The following TMEM260 variants were observed in gnomAD, a reference collection of about 807,000 sequenced individuals.
TMEM260 encodes the protein transmembrane protein 260.
TMEM260 carries 82 observed loss-of-function variants against 88.9 expected under a neutral mutation model. The ratio of observed to expected loss-of-function variants is 0.92; its 90% CI spans 0.77 to 1.11. TMEM260 has a LOEUF of 1.11. Ranked by LOEUF, TMEM260 falls within the 50% of genes least tolerant of loss-of-function variation. The pLI, the probability that TMEM260 is intolerant of heterozygous loss-of-function variation, is 0.00. For synonymous variants in TMEM260, 314 were observed against 309.3 expected (o/e 1.02, Z -0.16); for missense variants, 902 against 853.4 (o/e 1.06, Z -0.71).
intron 11 of TMEM260, among the ~76,000 whole-genome samples, chr14:56,624,372 G>A (rs1409850730): frequency 6.6e-6 from 1 of 152,124 alleles, no homozygotes; most frequent in Admixed American, 6.5e-5. Flanking sequence ...CCAGGAGTTC[G>A]ACACCAGCCT....
downstream of TMEM260, among the ~76,000 whole-genome samples, chr14:56,652,750 A>G (rs1205452101): frequency 1.3e-5 from 2 of 152,186 alleles, no homozygotes; most frequent in Non-Finnish European, 2.9e-5. Context: ...GTTTGTTTTT[A>G]CTTAGAGTGT....
At position 56,636,575 on chromosome 14, in the gene TMEM260, C is replaced by T; in HGVS notation, c.1846C>T (p.Gln616Ter). The T allele has an allele frequency of 6.2e-7, 1 of 1,613,880 alleles. No individual in the cohort carries two copies. Among genetic ancestry groups the T allele is most frequent in the Non-Finnish European group, 8.5e-7 (1 of 1,179,916 alleles). The stretch of plus-strand genomic sequence containing the variant: ...TCACATGCCTTCAAAAGTGAAAGCT[C>T]AACTCTACGCTCAAGCATATGACGT... ...TAHMPSKVKAQLYAQAYDLYK... is the reference protein window; with the variant it reads ...TAHMPSKVKA The change falls in exon 15 of 16, where the codon CAA becomes TAA. Residue 616 changes from glutamine (Q) to a stop codon, truncating the protein, a stop_gained. Coordinates refer to ENST00000261556, the MANE Select transcript of TMEM260 (RefSeq NM_017799.4). LOFTEE classifies it high-confidence loss of function.
At chr14:56,630,057 G>GA (rs954202496) in intron 12 of TMEM260, among the ~76,000 whole-genome samples, 57 of 146,380 alleles carry the variant, frequency 3.9e-4, no homozygotes, top group Non-Finnish European at 5.6e-4. Context: ...AAAAAAAGAA[G>GA]AAAAAAAAAA....
intron 11 of TMEM260, among the ~76,000 whole-genome samples, chr14:56,622,938 A>G (rs552289758): frequency 6.6e-6 from 1 of 152,288 alleles, no homozygotes; most frequent in Non-Finnish European, 1.5e-5. Flanking sequence ...GACAAAAGCT[A>G]TGTTATTTGT....
chr14:56,618,829 A>G, intron 10 of TMEM260, 66 bp downstream of exon 10: 2 of 1,457,714 alleles, frequency 1.4e-6, no homozygotes, highest in Non-Finnish European at 1.9e-6. Context: ...TTTAGATTCT[A>G]ACACTTTATT....
chr14:56,636,630 A>ATATT, intron 15 of TMEM260, 32 bp downstream of exon 15: 1 of 1,575,122 alleles, frequency 6.3e-7, no homozygotes, highest in South Asian at 1.1e-5. Context: ...AGATATAGAT[A>ATATT]TATTTGGTGG....
chr14:56,638,964 TGA>T lies in TMEM260; in HGVS notation c.1869+2367_1869+2368del. On this transcript the variant is annotated intron_variant, in intron 15 of 15. Coordinates refer to ENST00000261556, the MANE Select transcript of TMEM260 (RefSeq NM_017799.4). ...TGGGCTTCTCAAGATATGGTACATG[TGA>T]CTTAATAGGACATCTAAAATAAGTT... Among the ~76,000 whole-genome samples, 3 of 152,268 alleles carry T rather than the reference TGA, an allele frequency of 2.0e-5. No individual in the cohort carries two copies. The South Asian group carries it at 6.2e-4, about 32-fold the overall frequency.
chr14:56,617,466 T>A (rs1334354582), intron 9 of TMEM260, among the ~76,000 whole-genome samples, 169 bp downstream of exon 9: 1 of 142,596 alleles, frequency 7.0e-6, no homozygotes, highest in Non-Finnish European at 1.5e-5. Context: ...TAAGGCCTCT[T>A]TTTAGGATAA....
chr14:56,660,794 C>CT, the TMEM260 span, among the ~76,000 whole-genome samples: 1 of 150,498 alleles, frequency 6.6e-6, no homozygotes, highest in East Asian at 1.9e-4. Flanking sequence ...GTCTCTGTCT[C>CT]GCTCTCTCTT....
chr14:56,628,694 T>A (rs34829207), intron 12 of TMEM260, among the ~76,000 whole-genome samples: 43,205 of 152,002 alleles, frequency 0.28, 7,105 homozygotes, highest in Non-Finnish European at 0.39. Context: ...TTTATCTTTT[T>A]TCATCCTTTT....
chr14:56,581,648 A>C (rs1207643722), intron 1 of TMEM260, among the ~76,000 whole-genome samples: 6 of 152,218 alleles, frequency 3.9e-5, no homozygotes. Context: ...CACTGTTCCA[A>C]GTGCTTTATA....
intron 7 of TMEM260, chr14:56,613,237 G>A (rs1887394435): frequency 6.6e-6 from 1 of 151,688 alleles, no homozygotes; most frequent in Non-Finnish European, 1.5e-5. Flanking sequence ...AACTCTTGGG[G>A]CTGTTTGAAA....
chr14:56,621,516 G>T lies in TMEM260; in HGVS notation c.1227-15G>T. ...AAGTGTTGCTATTTTAATTTTTTTG[G>T]ATCCTTTTATTTAGTGTTTGTGACC... On this transcript the variant is annotated splice_polypyrimidine_tract_variant and intron_variant, in intron 10 of 15. Coordinates refer to ENST00000261556, the MANE Select transcript of TMEM260 (RefSeq NM_017799.4). 1.3e-6 allele frequency: 2 copies of T among 1,570,818 alleles called. No homozygotes were observed. The highest frequency in any genetic ancestry group is 1.9e-5 in the Admixed American group (1 of 52,784).
intron 12 of TMEM260, among the ~76,000 whole-genome samples, chr14:56,627,197 A>G (rs967958092): frequency 1.3e-5 from 2 of 152,200 alleles, no homozygotes; most frequent in Non-Finnish European, 2.9e-5. Flanking sequence ...ATCACTGCAT[A>G]AATATGACTT....
the TMEM260 span, among the ~76,000 whole-genome samples, chr14:56,660,376 G>A: frequency 3.9e-5 from 6 of 152,160 alleles, no homozygotes; most frequent in Admixed American, 2.6e-4. Context: ...TTAAATTGCT[G>A]GATTTAATTG....
At chr14:56,601,989 A>G (rs147512537) in intron 3 of TMEM260, among the ~76,000 whole-genome samples, 1 of 152,300 alleles carries the variant, frequency 6.6e-6, no homozygotes, top group East Asian at 1.9e-4. Context: ...GGAATATTGT[A>G]TCTTATGCTG....
At chr14:56,592,171 T>A (rs1049730938) in intron 3 of TMEM260, among the ~76,000 whole-genome samples, 2 of 152,204 alleles carry the variant, frequency 1.3e-5, no homozygotes, top group African/African-American at 2.4e-5. Context: ...CTAACCTTAG[T>A]AAGTTTTTAT....
intron 14 of TMEM260, among the ~76,000 whole-genome samples, chr14:56,635,605 G>GT (rs367700789): frequency 1.3e-5 from 2 of 152,078 alleles, no homozygotes. Flanking sequence ...TCATTGTTTT[G>GT]TTTTTTAATC....
the TMEM260 span, among the ~76,000 whole-genome samples, chr14:56,658,327 A>G: frequency 2.2e-4 from 34 of 152,128 alleles, no homozygotes; most frequent in Non-Finnish European, 7.4e-5. Flanking sequence ...AGCTGACTGC[A>G]TACTCCACCT....
Sources: allele counts gnomAD v4.1 joint callset (sites outside exome capture counted in the v4.1 genomes callset), GRCh38; gene constraint gnomAD v4.1.1; transcripts MANE v1.5; gene names NCBI Gene and HGNC (gene_info 2026-07-23, HGNC 2026-07-21).